Variants in CDK6 observed in about 807,000 individuals in gnomAD.
The protein encoded by CDK6 is cyclin dependent kinase 6.
In CDK6, 6 loss-of-function variants were observed where a neutral mutation model predicts 37.1. That is an observed-to-expected ratio of 0.16 (90% confidence interval 0.09 to 0.32). The LOEUF is 0.32. CDK6 is among the 10% of genes least tolerant of loss of function. The pLI is 1.00. For missense variants in CDK6, 224 were observed against 418.9 expected (o/e 0.53, Z 4.06); for synonymous variants, 160 against 161.3 (o/e 0.99, Z 0.06).
intron 4 of CDK6, among the ~76,000 whole-genome samples, chr7:92,714,023 T>C (rs571813270): frequency 6.6e-6 from 1 of 152,314 alleles, no homozygotes; most frequent in East Asian, 1.9e-4. Context: ...ACTGAGCAGC[T>C]ACCATGTGCC....
chr7:92,636,191 A>G (rs1275331433), intron 5 of CDK6, among the ~76,000 whole-genome samples: 1 of 151,992 alleles, frequency 6.6e-6, no homozygotes, highest in East Asian at 1.9e-4. Context: ...AGTAGCTGGG[A>G]CCACAGGGGC....
intron 4 of CDK6, chr7:92,710,593 G>A (rs1408291511): frequency 3.2e-5 from 13 of 400,660 alleles, no homozygotes; most frequent in Non-Finnish European, 4.4e-5. Context: ...TTTTGTACTT[G>A]TAACTAAATA....
At chr7:92,739,490 C>A (rs1798868160) in intron 3 of CDK6, among the ~76,000 whole-genome samples, 1 of 152,256 alleles carries the variant, frequency 6.6e-6, no homozygotes, top group Admixed American at 6.5e-5. Flanking sequence ...AATGGTACCA[C>A]CATCCACCCA....
intron 4 of CDK6, chr7:92,710,735 T>C (rs753615067): frequency 3.7e-5 from 36 of 985,254 alleles, no homozygotes; most frequent in Non-Finnish European, 4.3e-5. Context: ...GATCTTTTTG[T>C]TATGATCTGT....
chr7:92,767,619 A>G (rs1030193355), intron 3 of CDK6, among the ~76,000 whole-genome samples: 2 of 152,014 alleles, frequency 1.3e-5, no homozygotes, highest in Non-Finnish European at 2.9e-5. Context: ...CATCTCTCCT[A>G]TTCCACTCAG....
At chr7:92,832,142 T>G (rs961099279) in intron 2 of CDK6, among the ~76,000 whole-genome samples, 2 of 152,202 alleles carry the variant, frequency 1.3e-5, no homozygotes, top group African/African-American at 2.4e-5. Flanking sequence ...TGTAAAGCTA[T>G]GCATCTCTGT....
chr7:92,710,567 A>G (rs11979490), intron 4 of CDK6: 5,427 of 262,278 alleles, frequency 0.021, 286 homozygotes, highest in African/African-American at 0.12. Context: ...ATTATTCAAG[A>G]CACTTTGATT....
intron 4 of CDK6, among the ~76,000 whole-genome samples, chr7:92,714,430 G>A (rs539721511): frequency 6.6e-6 from 1 of 152,256 alleles, no homozygotes; most frequent in South Asian, 2.1e-4. Context: ...GAAAGGTTAG[G>A]AACAGTTGAC....
intron 4 of CDK6, among the ~76,000 whole-genome samples, chr7:92,705,693 A>G (rs193237510): frequency 9.8e-4 from 150 of 152,332 alleles, no homozygotes; most frequent in African/African-American, 3.1e-3. Context: ...TTGAATCTGA[A>G]AAAAGCCAGG....
At chr7:92,756,354 G>A (rs1799318551) in intron 3 of CDK6, among the ~76,000 whole-genome samples, 1 of 152,196 alleles carries the variant, frequency 6.6e-6, no homozygotes, top group Admixed American at 6.5e-5. Context: ...TCAATTTTGT[G>A]GCTGGGCATG....
intron 2 of CDK6, among the ~76,000 whole-genome samples, chr7:92,786,802 AT>A (rs1345643018): frequency 6.6e-5 from 10 of 151,848 alleles, no homozygotes; most frequent in Non-Finnish European, 1.3e-4. Flanking sequence ...ATGGAAAGAC[AT>A]TCACAATATA....
At chr7:92,694,776 C>A (rs921292629) in intron 4 of CDK6, among the ~76,000 whole-genome samples, 3 of 152,068 alleles carry the variant, frequency 2.0e-5, no homozygotes, top group African/African-American at 7.2e-5. Context: ...ACAAAATATG[C>A]TCAGAGTGGC....
chr7:92,803,716 G>A (rs146355761), intron 2 of CDK6, among the ~76,000 whole-genome samples: 5 of 152,262 alleles, frequency 3.3e-5, no homozygotes, highest in African/African-American at 1.2e-4. Context: ...ATATGAACTG[G>A]AACATAACCC....
chr7:92,662,239 C>T (rs930379189), intron 5 of CDK6, among the ~76,000 whole-genome samples: 1 of 151,992 alleles, frequency 6.6e-6, no homozygotes, highest in African/African-American at 2.4e-5. Context: ...AATTTTTGAA[C>T]TGAAAGAGAA....
At chr7:92,702,230 T>C (rs1797866895) in intron 4 of CDK6, among the ~76,000 whole-genome samples, 1 of 119,316 alleles carries the variant, frequency 8.4e-6, no homozygotes, top group African/African-American at 3.2e-5. Flanking sequence ...CTTTTTTTTT[T>C]TTTTTTTTTT....
chr7:92,739,443 A>G (rs1458273888), intron 3 of CDK6, among the ~76,000 whole-genome samples: 1 of 152,228 alleles, frequency 6.6e-6, no homozygotes, highest in Non-Finnish European at 1.5e-5. Flanking sequence ...TACTCCCACC[A>G]AAACCTGTCC....
chr7:92,615,740 A>G (rs1163271497), intron 7 of CDK6, among the ~76,000 whole-genome samples: 1 of 152,190 alleles, frequency 6.6e-6, no homozygotes, highest in African/African-American at 2.4e-5. Context: ...AGTTCGAGTC[A>G]CTAAACTCTA....
chr7:92,634,967 G>A (rs1461326231), intron 5 of CDK6, among the ~76,000 whole-genome samples: 2 of 152,128 alleles, frequency 1.3e-5, no homozygotes, highest in Admixed American at 1.3e-4. Context: ...TATTCATAGT[G>A]AGAAGACTCT....
chr7:92,754,325 T>G (rs1799260717), intron 3 of CDK6, among the ~76,000 whole-genome samples: 2 of 152,206 alleles, frequency 1.3e-5, no homozygotes, highest in Non-Finnish European at 2.9e-5. Context: ...TCATTAGTAT[T>G]GATCATTTTC....
Sources: allele counts gnomAD v4.1 joint callset (sites outside exome capture counted in the v4.1 genomes callset), GRCh38; gene constraint gnomAD v4.1.1; transcripts MANE v1.5; gene names NCBI Gene and HGNC (gene_info 2026-07-23, HGNC 2026-07-21).